The following ABCC10 variants were observed in gnomAD, a reference collection of about 807,000 sequenced individuals.
ABCC10 encodes the protein ATP-binding cassette sub-family C member 10.
A neutral mutation model predicts 143.2 loss-of-function variants in ABCC10; 110 were observed. The observed-to-expected ratio is 0.77, with a 90% confidence interval of 0.66 to 0.90. The LOEUF is 0.90. Among genes scored for constraint, ABCC10 ranks in the 40% least tolerant of loss-of-function variants. ABCC10 has a pLI of 0.00. For missense variants in ABCC10, 1,700 were observed against 1,900.5 expected, an observed-to-expected ratio of 0.89 and a Z score of 1.96; for synonymous variants, 805 against 846.7, an observed-to-expected ratio of 0.95 and a Z score of 0.85.
At chr6:43,447,630 TC>T in intron 17 of ABCC10, 53 bp from the exon 18 acceptor site, 1 of 1,605,120 alleles carries the variant, frequency 6.2e-7, no homozygotes, top group Non-Finnish European at 8.5e-7. Context: ...CCATCGCTCC[TC>T]ATCTCCCCTA....
intron 3 of ABCC10, 72 bp downstream of exon 3, chr6:43,433,432 C>T: frequency 6.7e-7 from 1 of 1,499,956 alleles, no homozygotes; most frequent in Non-Finnish European, 8.9e-7. Flanking sequence ...TCTTCCCATG[C>T]ACACTACCTG....
downstream of ABCC10, chr6:43,450,763 G>A: frequency 6.2e-7 from 1 of 1,614,222 alleles, no homozygotes; most frequent in African/African-American, 1.3e-5. The surrounding 1 kb of genome is among the most constrained non-coding windows in gnomAD (Gnocchi z 4.5). Flanking sequence ...AACACCACCA[G>A]GGCCACCAAG....
chr6:43,439,669 C>T (rs976748215), intron 8 of ABCC10, among the ~76,000 whole-genome samples: 29 of 151,240 alleles, frequency 1.9e-4, no homozygotes, highest in Admixed American at 1.6e-3. Flanking sequence ...CTGCAACCTC[C>T]GCCTCCTGGA....
rs1392485365 is a variant in ABCC10 at position 43,442,170 on chromosome 6, C to T, written c.2226+210C>T. ...CTTTAAAAAGTATTTGTAGGCTGGG[C>T]ATGGTGGCTTAGGTCTGTAATCCCA... On this transcript the variant is annotated intron_variant, in intron 9 of 21. Coordinates refer to ENST00000372530, the MANE Select transcript of ABCC10 (RefSeq NM_001198934.2). The T allele has an allele frequency of 4.1e-5, 17 of 411,936 alleles. No homozygotes were observed. The highest frequency in any genetic ancestry group is 6.3e-5 in the Non-Finnish European group (14 of 223,546). 25.5% of individuals were successfully genotyped at this position (411,936 alleles called of 1,614,324 possible).
Position 43,447,797 on chromosome 6 carries a change from A to T in ABCC10, c.3819A>T (p.Gly1273=). 6.2e-7 allele frequency: 1 copy of T among 1,613,598 alleles called. No homozygotes were observed. The highest frequency in any genetic ancestry group is 1.1e-5 in the South Asian group (1 of 91,088). ...LDGVTFCVQP[G]EKLGIVGRTG... is the part of the protein sequence containing the mutation. ...GAGTGACCTTCTGCGTGCAGCCTGG[A>T]GAGAAGTTGGGCATCGTGGGCCGCA... The change falls in exon 18 of 22, where the codon GGA becomes GGT. Residue 1273 remains glycine (G), a synonymous_variant. Transcript: ENST00000372530.
chr6:43,434,553 A>C (rs779702811), intron 3 of ABCC10, 68 bp from the exon 4 acceptor site: 1 of 1,432,792 alleles, frequency 7.0e-7, no homozygotes, highest in South Asian at 1.3e-5. Flanking sequence ...AGCCTGGGGA[A>C]GGCTTGGCAG....
chr6:43,445,117 C>T lies in ABCC10; in HGVS notation c.2841-8C>T. The T allele has an allele frequency of 6.2e-7, 1 of 1,613,650 alleles. No homozygotes were observed. The highest frequency in any genetic ancestry group is 8.5e-7 in the Non-Finnish European group (1 of 1,179,662). ...TTGGTTACCGACAGCCCCCTCCTCA[C>T]CACCCAGCATCCCAGTGTTCCCACT... On this transcript the variant is annotated splice_region_variant and splice_polypyrimidine_tract_variant and intron_variant, in intron 13 of 21. Transcript: ENST00000372530.
chr6:43,431,486 G>T (rs1474663112), intron 2 of ABCC10, among the ~76,000 whole-genome samples: 5 of 152,102 alleles, frequency 3.3e-5, no homozygotes, highest in Non-Finnish European at 7.4e-5. Context: ...TCAGCCTCCT[G>T]AGTAGCTGGG....
intron 9 of ABCC10, 58 bp downstream of exon 9, chr6:43,442,018 G>A (rs1443905949): frequency 6.8e-7 from 1 of 1,473,472 alleles, no homozygotes; most frequent in Non-Finnish European, 9.4e-7. Context: ...AGAGCCTTGG[G>A]AACTTGGCTG....
At chr6:43,442,815 C>A (rs772391391) in intron 9 of ABCC10, among the ~76,000 whole-genome samples, 155 bp from the exon 10 acceptor site, 6 of 152,114 alleles carry the variant, frequency 3.9e-5, no homozygotes, top group Non-Finnish European at 8.8e-5. Flanking sequence ...TTCTTTCTTG[C>A]CTGAAGGGAT....
chr6:43,441,714 T>G, intron 8 of ABCC10, 148 bp from the exon 9 acceptor site: 1 of 587,502 alleles, frequency 1.7e-6, no homozygotes, highest in Non-Finnish European at 3.1e-6. Flanking sequence ...TTATGTCTTG[T>G]CTCCTCTGAC....
rs985963615 is a variant in ABCC10, at chr6:43,445,640, C to T, written c.3072C>T (p.Ile1024=). 7 of 1,613,846 alleles carry T rather than the reference C, an allele frequency of 4.3e-6. No individual in the cohort carries two copies. The Admixed American group carries it at 1.0e-4, about 23-fold the overall frequency. ...TFFNATPTGR[I]LNRFSSDVAC... is the part of the protein sequence containing the mutation. The stretch of plus-strand genomic sequence containing the variant: ...TCAATGCCACACCCACGGGCCGGAT[C>T]CTAAACCGCTTCTCCTCTGATGTGG... The change falls in exon 15 of 22, where the codon ATC becomes ATT. Residue 1024 remains isoleucine (I), a synonymous_variant. Transcript: ENST00000372530.
In ABCC10 at chr6:43,449,496, A is replaced by C. The variant is rs556557152; in HGVS notation, c.4278A>C (p.Lys1426Asn). ...AGCTGCTCCAGCAGACCATCTGCAAACGCTTTGCCAACAAGACAGTGCTGA... is the reference window on the plus strand; with the variant it reads ...AGCTGCTCCAGCAGACCATCTGCAACCGCTTTGCCAACAAGACAGTGCTGA... ...TDQLLQQTIC[K>N]RFANKTVLTI... Residue 1426 changes from lysine to asparagine, a missense_variant, in exon 21 of 22, where the codon AAA (lysine) becomes AAC (asparagine). Transcript: ENST00000372530. The C allele has an allele frequency of 1.2e-6, 2 of 1,614,006 alleles. No homozygotes were observed. Among genetic ancestry groups the C allele is most frequent in the Non-Finnish European group, 1.7e-6 (2 of 1,179,942 alleles).
rs755694475 is a variant in ABCC10 at position 43,438,031 on chromosome 6, C to G, written c.1955+18C>G. 1.6e-5 allele frequency: 25 copies of G among 1,606,814 alleles called. No homozygotes were observed. Among genetic ancestry groups the G allele is most frequent in the Non-Finnish European group, 2.0e-5 (24 of 1,176,432 alleles). ...CTCCACAGGTAACCAACCTCCTATG[C>G]ACCCCTGTCCTTACTTTGTCCTTTA... On this transcript the variant is annotated intron_variant, in intron 7 of 21. Coordinates refer to ENST00000372530, the MANE Select transcript of ABCC10 (RefSeq NM_001198934.2).
rs115998280 is a variant in ABCC10, at chr6:43,439,075, G to T, written c.2127+280G>T. Among the ~76,000 whole-genome samples the T allele has an allele frequency of 6.4e-3, 973 of 152,284 alleles. 8 individuals carry two copies. The highest frequency in any genetic ancestry group is 0.022 in the African/African-American group (917 of 41,550). ...TGTGGGGCTTAGCTCTGCACAGCCT[G>T]GCTCCTTGTCCCCTTCTCCATACCC... On this transcript the variant is annotated intron_variant, in intron 8 of 21. Coordinates refer to ENST00000372530, the MANE Select transcript of ABCC10 (RefSeq NM_001198934.2).
At chr6:43,442,096 G>A in intron 9 of ABCC10, 136 bp downstream of exon 9, 1 of 688,564 alleles carries the variant, frequency 1.5e-6, no homozygotes, top group Non-Finnish European at 2.4e-6. Context: ...TGTTCCTGAG[G>A]TATTGGCCAT....
rs1781333101 is a variant in ABCC10, at chr6:43,433,287, T to G, written c.1307T>G (p.Val436Gly). 1 of 1,614,022 alleles carries G rather than the reference T, an allele frequency of 6.2e-7. No individual in the cohort carries two copies. The highest frequency in any genetic ancestry group is 1.1e-5 in the South Asian group (1 of 91,084). ...ATCTTGGCACTGCTGCTGGTACCCG[T>G]CAACAAAGTGATTGCCACCCGCATC... ...GLILALLLVPVNKVIATRIMA... is the reference protein window; with the variant it reads ...GLILALLLVPGNKVIATRIMA... Residue 436 changes from valine (V) to glycine (G), a missense_variant, in exon 3 of 22, where the codon GTC (valine) becomes GGC (glycine). Transcript: ENST00000372530.
chr6:43,451,143 C>T, downstream of ABCC10: 1 of 1,614,192 alleles, frequency 6.2e-7, no homozygotes, highest in Non-Finnish European at 8.5e-7. The surrounding 1 kb of genome is among the most constrained non-coding windows in gnomAD (Gnocchi z 4.4). Context: ...ACCGTTAGCA[C>T]AAGGCCGCAT....
Position 43,449,972 on chromosome 6 carries a change from G to A in ABCC10, c.4360G>A (p.Ala1454Thr), listed in dbSNP as rs1486673905. 1 of 1,613,920 alleles carries A rather than the reference G, an allele frequency of 6.2e-7. No homozygotes were observed. The change falls in exon 22 of 22, where the codon GCG becomes ACG. Residue 1454 changes from alanine (A) to threonine (T), a missense_variant. Coordinates refer to ENST00000372530, the MANE Select transcript of ABCC10 (RefSeq NM_001198934.2). ...LNSDRVLVLQ[A>T]GRVVELDSPA... Reference sequence around the variant, plus strand: ...CTCAGACCGGGTGCTGGTGCTACAAGCGGGGAGAGTGGTAGAGCTGGACTC... The same window carrying A: ...CTCAGACCGGGTGCTGGTGCTACAAACGGGGAGAGTGGTAGAGCTGGACTC...
Sources: gnomAD v4.1 joint callset for allele counts (sites outside exome capture counted in the v4.1 genomes callset) on GRCh38, gnomAD v4.1.1 for gene constraint, Gnocchi (gnomAD v3.1) non-coding constraint, MANE v1.5 for transcripts, NCBI Gene and HGNC (gene_info 2026-07-23, HGNC 2026-07-21) for gene names.